Variants in ARHGAP15 observed in about 807,000 individuals in gnomAD.
ARHGAP15 encodes rho GTPase-activating protein 15.
In ARHGAP15, 51 loss-of-function variants were observed where a neutral mutation model predicts 63.7. The observed-to-expected ratio is 0.80, with a 90% CI of 0.64 to 1.01. ARHGAP15 has a LOEUF of 1.01. Ranked by LOEUF, ARHGAP15 falls within the 50% of genes least tolerant of loss-of-function variation. The pLI, the probability that ARHGAP15 is intolerant of heterozygous loss-of-function variation, is 0.00. For missense variants in ARHGAP15, 560 were observed against 564.6 expected, an observed-to-expected ratio of 0.99 and a Z score of 0.08; for synonymous variants, 191 against 193.8, an observed-to-expected ratio of 0.99 and a Z score of 0.12.
At chr2:143,752,418 A>C (rs1686414470) in intron 13 of ARHGAP15, among the ~76,000 whole-genome samples, 1 of 152,158 alleles carries the variant, frequency 6.6e-6, no homozygotes, top group Non-Finnish European at 1.5e-5. Context: ...AGTCTCCTCC[A>C]CAGATCTAAT....
At chr2:143,629,187 A>G (rs200913542) in intron 12 of ARHGAP15, among the ~76,000 whole-genome samples, 2 of 10,436 alleles carry the variant, frequency 1.9e-4, no homozygotes, top group South Asian at 0.083. Context: ...TTTTTGGACC[A>G]AAAAAAAAAA....
At chr2:143,666,175 A>G (rs1682167387) in intron 12 of ARHGAP15, among the ~76,000 whole-genome samples, 1 of 151,400 alleles carries the variant, frequency 6.6e-6, no homozygotes, top group South Asian at 2.1e-4. Context: ...ACTATACTAC[A>G]AGACTACAGT....
At chr2:143,710,355 T>C (rs1684526788) in intron 13 of ARHGAP15, among the ~76,000 whole-genome samples, 1 of 152,160 alleles carries the variant, frequency 6.6e-6, no homozygotes. Flanking sequence ...AGAAAATTAA[T>C]TACTCTGATC....
chr2:143,657,041 A>G (rs1377174140), intron 12 of ARHGAP15, among the ~76,000 whole-genome samples: 1 of 151,856 alleles, frequency 6.6e-6, no homozygotes, highest in African/African-American at 2.4e-5. Context: ...ATTGTTGATC[A>G]AATACTTTAA....
chr2:143,134,650 T>C (rs1689059914), intron 1 of ARHGAP15, among the ~76,000 whole-genome samples: 1 of 82,030 alleles, frequency 1.2e-5, no homozygotes, highest in Non-Finnish European at 2.7e-5. Flanking sequence ...TTTTTTTTTT[T>C]TTGAGACGGA....
chr2:143,456,016 C>T (rs1451762567), intron 8 of ARHGAP15, among the ~76,000 whole-genome samples: 1 of 151,900 alleles, frequency 6.6e-6, no homozygotes, highest in Non-Finnish European at 1.5e-5. Context: ...TTATTTAAGT[C>T]CAGAGGAGGG....
At chr2:143,686,930 A>G (rs941357703) in intron 12 of ARHGAP15, among the ~76,000 whole-genome samples, 2 of 152,212 alleles carry the variant, frequency 1.3e-5, no homozygotes, top group African/African-American at 4.8e-5. Flanking sequence ...CCCGTGGACT[A>G]GAACTGGGAG....
At chr2:143,478,711 A>C (rs1459441619) in intron 8 of ARHGAP15, among the ~76,000 whole-genome samples, 2 of 100,360 alleles carry the variant, frequency 2.0e-5, no homozygotes, top group African/African-American at 5.7e-5. Context: ...CATTATTATA[A>C]ATATGACATT....
At chr2:143,193,120 A>C (rs1387926632) in intron 2 of ARHGAP15, among the ~76,000 whole-genome samples, 1 of 152,236 alleles carries the variant, frequency 6.6e-6, no homozygotes, top group Non-Finnish European at 1.5e-5. Flanking sequence ...GTGGAGAAAC[A>C]CAAGTTTCTC....
At chr2:143,578,789 G>C (rs768766370) in intron 11 of ARHGAP15, among the ~76,000 whole-genome samples, 9 of 152,038 alleles carry the variant, frequency 5.9e-5, no homozygotes, top group Non-Finnish European at 1.0e-4. Context: ...GGCAACTCTT[G>C]CTAAAAAAAC....
intron 1 of ARHGAP15, among the ~76,000 whole-genome samples, chr2:143,154,047 G>GT (rs1689980474): frequency 6.6e-6 from 1 of 151,232 alleles, no homozygotes; most frequent in Non-Finnish European, 1.5e-5. Flanking sequence ...CTGTTCACCT[G>GT]TTGATAGACA....
At chr2:143,700,712 G>A (rs932430756) in intron 12 of ARHGAP15, among the ~76,000 whole-genome samples, 7 of 151,942 alleles carry the variant, frequency 4.6e-5, no homozygotes, top group East Asian at 3.9e-4. Flanking sequence ...GTATACACAC[G>A]CATATATACA....
chr2:143,244,200 A>C (rs1274423468), intron 5 of ARHGAP15, among the ~76,000 whole-genome samples: 1 of 152,136 alleles, frequency 6.6e-6, no homozygotes, highest in Non-Finnish European at 1.5e-5. Context: ...TTGAACACTT[A>C]TTTGGGGCCA....
At chr2:143,598,676 C>T (rs778357342) in intron 11 of ARHGAP15, among the ~76,000 whole-genome samples, 31 of 152,170 alleles carry the variant, frequency 2.0e-4, no homozygotes, top group Non-Finnish European at 3.8e-4. Flanking sequence ...GAAGCTGAGG[C>T]GGGAGGGTCA....
At chr2:143,208,262 T>C (rs974685401) in intron 3 of ARHGAP15, among the ~76,000 whole-genome samples, 2 of 152,186 alleles carry the variant, frequency 1.3e-5, no homozygotes, top group Admixed American at 1.3e-4. Flanking sequence ...ACGAGAGACA[T>C]TGGCTTTTGG....
chr2:143,250,520 C>G lies in ARHGAP15; in HGVS notation c.394C>G (p.His132Asp), dbSNP rs1163607705. The G allele has an allele frequency of 6.2e-7, 1 of 1,613,086 alleles. No individual in the cohort carries two copies. Among genetic ancestry groups the G allele is most frequent in the South Asian group, 1.1e-5 (1 of 91,040 alleles). The change falls in exon 6 of 14, where the codon CAC becomes GAC. Residue 132 changes from histidine to aspartate, a missense_variant. Coordinates refer to ENST00000295095, the MANE Select transcript of ARHGAP15 (RefSeq NM_018460.4). ...ATTTTTGTGATTACAGAAAACTGGG[C>G]ACAAACCAGAAAGTGTGGATTTGTG... ...QQALSNMKTGHKPESVDLCGA... is the reference protein window; with the variant it reads ...QQALSNMKTGDKPESVDLCGA...
intron 12 of ARHGAP15, among the ~76,000 whole-genome samples, chr2:143,697,155 T>C (rs1683886446): frequency 6.6e-6 from 1 of 152,292 alleles, no homozygotes; most frequent in East Asian, 1.9e-4. Context: ...AACCAAATTC[T>C]CTGATAATTG....
chr2:143,719,816 C>G (rs1684969690), intron 13 of ARHGAP15, among the ~76,000 whole-genome samples: 1 of 152,164 alleles, frequency 6.6e-6, no homozygotes, highest in Non-Finnish European at 1.5e-5. Flanking sequence ...TTAAAATAAC[C>G]AATTCCTGGA....
intron 12 of ARHGAP15, among the ~76,000 whole-genome samples, chr2:143,631,689 T>C (rs1385959110): frequency 6.6e-6 from 1 of 152,130 alleles, no homozygotes; most frequent in African/African-American, 2.4e-5. Flanking sequence ...GTTCCCTATA[T>C]ATTCTTAATG....
Sources: gnomAD v4.1 joint callset for allele counts (sites outside exome capture counted in the v4.1 genomes callset) on GRCh38, gnomAD v4.1.1 for gene constraint, MANE v1.5 for transcripts, NCBI Gene and HGNC (gene_info 2026-07-23, HGNC 2026-07-21) for gene names.